Variants in PIGU observed in about 807,000 individuals in gnomAD.
PIGU encodes the protein GPI-anchor transamidase component PIGU.
A neutral mutation model predicts 49.9 loss-of-function variants in PIGU; 24 were observed. That is an observed-to-expected ratio of 0.48 (90% CI 0.35 to 0.68). The LOEUF (loss-of-function observed/expected upper bound fraction) is 0.68, where lower values mean the gene tolerates loss of function less well. Ranked by LOEUF, PIGU falls within the 30% of genes least tolerant of loss-of-function variation. The pLI, the probability that PIGU is intolerant of heterozygous loss-of-function variation, is 0.01. For missense variants in PIGU, 490 were observed against 532.6 expected (o/e 0.92, Z 0.79); for synonymous variants, 220 against 205.7 (o/e 1.07, Z -0.59).
At chr20:34,673,758 G>T (rs1224509008) in intron 1 of PIGU, among the ~76,000 whole-genome samples, 2 of 152,156 alleles carry the variant, frequency 1.3e-5, no homozygotes, top group Admixed American at 1.3e-4. Flanking sequence ...ACTGACGTTA[G>T]AATTCATACA....
At chr20:34,593,857 G>A (rs967461124) in intron 7 of PIGU, among the ~76,000 whole-genome samples, 1 of 135,808 alleles carries the variant, frequency 7.4e-6, no homozygotes, top group Non-Finnish European at 1.6e-5. Flanking sequence ...CCAGCCTGGG[G>A]GACTGAGCAA....
At chr20:34,613,386 G>T (rs1192218599) in intron 7 of PIGU, among the ~76,000 whole-genome samples, 4 of 152,194 alleles carry the variant, frequency 2.6e-5, no homozygotes, top group Non-Finnish European at 5.9e-5. Context: ...GGAGCTGCTT[G>T]ACTTAATGAG....
Position 34,669,423 on chromosome 20 carries a change from T to TGAGG in PIGU, c.130+7532_130+7533insCCTC, listed in dbSNP as rs1174939119. Among the ~76,000 whole-genome samples the TGAGG allele has an allele frequency of 2.3e-4, 35 of 152,076 alleles. No individual in the cohort carries two copies. The East Asian group carries it at 5.6e-3, about 24-fold the overall frequency. On this transcript the variant is annotated intron_variant, in intron 1 of 11. Transcript: ENST00000217446. ...GACTCATGCCTGTAATCCCAGCACTTTGGGAGGCAGAGGCAGGTAGATCAC... is the reference window on the plus strand; with the variant it reads ...GACTCATGCCTGTAATCCCAGCACTTGAGGTGGGAGGCAGAGGCAGGTAGATCAC...
intron 7 of PIGU, among the ~76,000 whole-genome samples, chr20:34,591,555 TAC>T (rs1299830134): frequency 6.6e-6 from 1 of 152,174 alleles, no homozygotes; most frequent in East Asian, 1.9e-4. Flanking sequence ...ATCTTTATCA[TAC>T]AGACTTCAAT....
rs375949123 is a variant in PIGU, at chr20:34,677,063, A to G, written c.23T>C (p.Val8Ala). 1.3e-5 allele frequency: 20 copies of G among 1,567,402 alleles called. No homozygotes were observed. Among genetic ancestry groups the G allele is most frequent in the Non-Finnish European group, 1.7e-5 (20 of 1,156,574 alleles). Reference protein sequence around the residue: MAAPLVLVLVVAVTVRAA... With the variant: MAAPLVLALVVAVTVRAA... ...CCGCACTGTCACAGCCACCACCAGCACCAGGACCAAGGGAGCCGCCATGAT... is the reference window on the plus strand; with the variant it reads ...CCGCACTGTCACAGCCACCACCAGCGCCAGGACCAAGGGAGCCGCCATGAT... The change falls in exon 1 of 12, where the codon GTG (valine) becomes GCG (alanine). Residue 8 changes from valine (V) to alanine (A), a missense_variant. By Grantham distance (64) the Val-to-Ala change is moderately conservative. Coordinates refer to ENST00000217446, the MANE Select transcript of PIGU (RefSeq NM_080476.5).
intron 7 of PIGU, among the ~76,000 whole-genome samples, chr20:34,593,994 T>A (rs942896129): frequency 2.6e-5 from 4 of 151,998 alleles, no homozygotes; most frequent in African/African-American, 9.7e-5. Flanking sequence ...CTGGGCAACA[T>A]AGAGAAACCC....
intron 6 of PIGU, among the ~76,000 whole-genome samples, chr20:34,617,894 C>T (rs927529142): frequency 2.0e-5 from 3 of 152,098 alleles, no homozygotes; most frequent in Non-Finnish European, 2.9e-5. Context: ...ATGCTATTCT[C>T]GTAATAGTGA....
chr20:34,632,635 G>A (rs1232500335), intron 6 of PIGU, among the ~76,000 whole-genome samples: 1 of 152,082 alleles, frequency 6.6e-6, no homozygotes, highest in Non-Finnish European at 1.5e-5. Flanking sequence ...AAAGTGCTGG[G>A]ATTACAGGTG....
intron 2 of PIGU, among the ~76,000 whole-genome samples, chr20:34,652,330 T>C (rs925879922): frequency 6.6e-6 from 1 of 152,178 alleles, no homozygotes; most frequent in African/African-American, 2.4e-5. Context: ...TTGACCTATG[T>C]ATACATCCAT....
chr20:34,594,875 G>A (rs973479680), intron 7 of PIGU, among the ~76,000 whole-genome samples: 3 of 151,886 alleles, frequency 2.0e-5, no homozygotes, highest in Admixed American at 1.3e-4. Context: ...AGCGGATCAC[G>A]AGGTCAGGAG....
At chr20:34,641,035 A>G (rs1986143200) in intron 4 of PIGU, among the ~76,000 whole-genome samples, 1 of 152,062 alleles carries the variant, frequency 6.6e-6, no homozygotes, top group Non-Finnish European at 1.5e-5. Context: ...CTGGGATTAC[A>G]GGCGCCCACC....
chr20:34,667,331 A>G (rs1256487270), intron 1 of PIGU, among the ~76,000 whole-genome samples: 2 of 152,208 alleles, frequency 1.3e-5, no homozygotes, highest in Non-Finnish European at 2.9e-5. Flanking sequence ...CAATGAACAC[A>G]CCTAGCATTC....
At chr20:34,625,392 A>AAAC (rs1985437663) in intron 6 of PIGU, among the ~76,000 whole-genome samples, 1 of 146,566 alleles carries the variant, frequency 6.8e-6, no homozygotes, top group African/African-American at 2.5e-5. Flanking sequence ...ACAAAAAAAA[A>AAAC]AAAACTACAT....
At chr20:34,611,850 G>A (rs946063998) in intron 7 of PIGU, among the ~76,000 whole-genome samples, 6 of 152,080 alleles carry the variant, frequency 3.9e-5, no homozygotes, top group African/African-American at 1.4e-4. Context: ...GATCATTAAA[G>A]TCTGGAAAAA....
At chr20:34,659,812 G>A (rs1299530990) in intron 1 of PIGU, among the ~76,000 whole-genome samples, 2 of 152,028 alleles carry the variant, frequency 1.3e-5, no homozygotes, top group Non-Finnish European at 2.9e-5. Context: ...TGGATTAAGG[G>A]CGGTGCAAGA....
chr20:34,635,714 A>G (rs1004917964), intron 5 of PIGU, among the ~76,000 whole-genome samples: 4 of 151,892 alleles, frequency 2.6e-5, no homozygotes, highest in Non-Finnish European at 5.9e-5. Flanking sequence ...TGCCTCTACT[A>G]AAAATACAAA....
At chr20:34,630,641 T>G (rs921102477) in intron 6 of PIGU, among the ~76,000 whole-genome samples, 1 of 152,158 alleles carries the variant, frequency 6.6e-6, no homozygotes, top group East Asian at 1.9e-4. Context: ...GTGCTTCATT[T>G]AAAATTTTTT....
intron 11 of PIGU, among the ~76,000 whole-genome samples, chr20:34,566,198 G>T (rs985978993): frequency 6.6e-6 from 1 of 152,226 alleles, no homozygotes; most frequent in African/African-American, 2.4e-5. Flanking sequence ...CTCATCTCCT[G>T]CCAGGAGTCT....
intron 4 of PIGU, chr20:34,643,431 CA>C (rs1305540180): frequency 6.6e-6 from 1 of 152,172 alleles, no homozygotes; most frequent in Admixed American, 6.5e-5. Context: ...TCATTAGTAA[CA>C]AAAGCTAAAA....
Sources: allele counts gnomAD v4.1 joint callset (sites outside exome capture counted in the v4.1 genomes callset), GRCh38; gene constraint gnomAD v4.1.1; transcripts MANE v1.5; gene names NCBI Gene and HGNC (gene_info 2026-07-23, HGNC 2026-07-21).